The following TRPC6 variants were observed in gnomAD, a reference collection of about 807,000 sequenced individuals.
The protein encoded by TRPC6 is short transient receptor potential channel 6.
A neutral mutation model predicts 90.7 loss-of-function variants in TRPC6; 55 were observed. The observed-to-expected ratio is 0.61, with a 90% CI of 0.49 to 0.76. TRPC6 has a LOEUF of 0.76. TRPC6 is among the 30% of genes least tolerant of loss of function. The probability of loss-of-function intolerance (pLI) is 0.00; values close to 1 mark genes in which losing one functional copy is unlikely to be tolerated. For missense variants in TRPC6, 989 were observed against 1,122.7 expected, an observed-to-expected ratio of 0.88 and a Z score of 1.70; for synonymous variants, 393 against 393.0, an observed-to-expected ratio of 1.00 and a Z score of 0.00.
At chr11:101,456,232 A>G (rs968230208) in intron 10 of TRPC6, among the ~76,000 whole-genome samples, 2 of 152,188 alleles carry the variant, frequency 1.3e-5, no homozygotes, top group Non-Finnish European at 2.9e-5. Context: ...CAAGCTAGCC[A>G]TGGAACAGAG....
At chr11:101,526,666 G>A (rs1042741840) in intron 1 of TRPC6, among the ~76,000 whole-genome samples, 1 of 151,676 alleles carries the variant, frequency 6.6e-6, no homozygotes, top group African/African-American at 2.4e-5. Flanking sequence ...TGTGAGACCA[G>A]TGTGGCCAAC....
intron 1 of TRPC6, among the ~76,000 whole-genome samples, chr11:101,527,504 C>T (rs1860805887): frequency 6.6e-6 from 1 of 152,208 alleles, no homozygotes; most frequent in Admixed American, 6.5e-5. Context: ...AGTTCCAATA[C>T]CGTATCCTAG....
intron 1 of TRPC6, among the ~76,000 whole-genome samples, chr11:101,556,745 T>G (rs1332386088): frequency 1.3e-5 from 2 of 152,024 alleles, no homozygotes; most frequent in African/African-American, 4.8e-5. Flanking sequence ...AGATGAGAGC[T>G]CTACAAGAAA....
intron 1 of TRPC6, among the ~76,000 whole-genome samples, chr11:101,510,873 C>T (rs895864090): frequency 1.3e-5 from 2 of 152,136 alleles, no homozygotes; most frequent in Admixed American, 1.3e-4. Flanking sequence ...TAACATGGAA[C>T]TGCTTTTATA....
chr11:101,502,162 T>TCTTCATC (rs1354432527), intron 2 of TRPC6, among the ~76,000 whole-genome samples: 1 of 152,094 alleles, frequency 6.6e-6, no homozygotes, highest in East Asian at 1.9e-4. Flanking sequence ...GATCTTTACG[T>TCTTCATC]CTTCATCATC....
chr11:101,548,457 G>T (rs1165409942), intron 1 of TRPC6, among the ~76,000 whole-genome samples: 5 of 123,476 alleles, frequency 4.0e-5, no homozygotes, highest in African/African-American at 5.7e-5. Context: ...TATATATACT[G>T]ATATATATAT....
At chr11:101,461,748 T>C (rs1859009687) in intron 10 of TRPC6, among the ~76,000 whole-genome samples, 1 of 152,126 alleles carries the variant, frequency 6.6e-6, no homozygotes, top group Admixed American at 6.5e-5. Flanking sequence ...TATAGAAGTA[T>C]TAAGGATCAG....
intron 2 of TRPC6, among the ~76,000 whole-genome samples, chr11:101,493,742 G>C (rs905313874): frequency 1.3e-5 from 2 of 152,146 alleles, no homozygotes; most frequent in South Asian, 4.1e-4. Flanking sequence ...CCTGAAACCA[G>C]TGTGTTGTAG....
intron 1 of TRPC6, among the ~76,000 whole-genome samples, chr11:101,570,822 GC>G (rs1310907939): frequency 2.8e-4 from 43 of 152,070 alleles, no homozygotes; most frequent in Admixed American, 2.0e-4. Flanking sequence ...AAATGCAACA[GC>G]CCTTCATGAT....
intron 1 of TRPC6, among the ~76,000 whole-genome samples, chr11:101,558,322 CATGTATATGGGTATACATGTATAT>C: frequency 7.2e-6 from 1 of 138,988 alleles, no homozygotes; most frequent in Non-Finnish European, 1.6e-5. Flanking sequence ...TATATGTATA[CATGTATATGGGTATACATGTATAT>C]ATGTATACAT....
intron 5 of TRPC6, among the ~76,000 whole-genome samples, chr11:101,480,741 G>A (rs1027991653): frequency 1.3e-5 from 2 of 151,994 alleles, no homozygotes; most frequent in Non-Finnish European, 2.9e-5. Context: ...TGTCCGTTGT[G>A]CCAAGTACTG....
At chr11:101,462,799 T>C (rs1345800138) in intron 10 of TRPC6, among the ~76,000 whole-genome samples, 1 of 152,198 alleles carries the variant, frequency 6.6e-6, no homozygotes, top group Admixed American at 6.5e-5. Context: ...ATACCCTTTC[T>C]TTCTTTCTCT....
intron 1 of TRPC6, among the ~76,000 whole-genome samples, chr11:101,572,408 G>A (rs1312067819): frequency 1.3e-5 from 2 of 152,192 alleles, no homozygotes; most frequent in Non-Finnish European, 2.9e-5. Context: ...TACACTGTTG[G>A]TGGGAGTGTA....
At chr11:101,525,290 T>C (rs1463378674) in intron 1 of TRPC6, among the ~76,000 whole-genome samples, 1 of 152,242 alleles carries the variant, frequency 6.6e-6, no homozygotes, top group Non-Finnish European at 1.5e-5. Context: ...CTTGAGTGAC[T>C]AACTTAATAT....
intron 1 of TRPC6, among the ~76,000 whole-genome samples, chr11:101,524,350 G>A (rs867517336): frequency 7.9e-5 from 12 of 152,132 alleles, no homozygotes; most frequent in African/African-American, 2.2e-4. Flanking sequence ...CCAGGTTCAC[G>A]CCATTCTACT....
intron 1 of TRPC6, among the ~76,000 whole-genome samples, chr11:101,539,015 C>T (rs1861116137): frequency 6.6e-6 from 1 of 152,114 alleles, no homozygotes; most frequent in Non-Finnish European, 1.5e-5. Flanking sequence ...TCAGCCAGGC[C>T]CACCCAGACT....
intron 1 of TRPC6, among the ~76,000 whole-genome samples, chr11:101,561,213 A>C (rs956564941): frequency 6.6e-6 from 1 of 152,140 alleles, no homozygotes; most frequent in South Asian, 2.1e-4. Flanking sequence ...TTCCTCCTAC[A>C]CTAATAATAT....
intron 2 of TRPC6, among the ~76,000 whole-genome samples, chr11:101,498,952 A>T (rs879927513): frequency 6.6e-6 from 1 of 152,056 alleles, no homozygotes; most frequent in Admixed American, 6.6e-5. Context: ...TCTGCTGAAG[A>T]TGAAGCTTAA....
intron 2 of TRPC6, among the ~76,000 whole-genome samples, chr11:101,501,950 T>C (rs1439063015): frequency 6.6e-6 from 1 of 152,216 alleles, no homozygotes; most frequent in Admixed American, 6.5e-5. Context: ...TGTTTTCAGT[T>C]AGATTTATCC....
Sources: allele counts gnomAD v4.1 joint callset (sites outside exome capture counted in the v4.1 genomes callset), GRCh38; gene constraint gnomAD v4.1.1; transcripts MANE v1.5; gene names NCBI Gene and HGNC (gene_info 2026-07-23, HGNC 2026-07-21).